Variants in LDB2 observed in about 807,000 individuals in gnomAD.
LDB2 encodes LIM domain-binding protein 2.
In LDB2, 12 loss-of-function variants were observed where a neutral mutation model predicts 44.3. The ratio of observed to expected loss-of-function variants is 0.27; its 90% CI spans 0.17 to 0.44. The LOEUF (loss-of-function observed/expected upper bound fraction) is 0.44, where lower values mean the gene tolerates loss of function less well. LDB2 is among the 20% of genes least tolerant of loss of function. The pLI is 1.00. For synonymous variants in LDB2, 164 were observed against 174.8 expected (o/e 0.94, Z 0.49); for missense variants, 344 against 473.5 (o/e 0.73, Z 2.54).
At chr4:16,680,500 C>T (rs1055550268) in intron 2 of LDB2, among the ~76,000 whole-genome samples, 1 of 152,178 alleles carries the variant, frequency 6.6e-6, no homozygotes, top group African/African-American at 2.4e-5. Context: ...TTATGGTATG[C>T]AGGGAACTGC....
intron 7 of LDB2, among the ~76,000 whole-genome samples, chr4:16,507,576 T>C (rs74846629): frequency 0.012 from 1,885 of 152,198 alleles, 38 homozygotes; most frequent in African/African-American, 0.043. Context: ...AAAATTGTAC[T>C]GGTTGAGGGA....
intron 2 of LDB2, among the ~76,000 whole-genome samples, chr4:16,723,017 G>A (rs1022168916): frequency 4.6e-5 from 7 of 152,128 alleles, no homozygotes; most frequent in Non-Finnish European, 4.4e-5. Flanking sequence ...GGCTTACAGT[G>A]TACTCAACTT....
rs533595565 is a variant in LDB2, at chr4:16,558,641, A to T, written c.615+27281T>A. ...ACCAAGTTGGAAAACACTGTGCAGG[A>T]TATTATCCAGGAGAACTTCCCCAAT... On this transcript the variant is annotated intron_variant, in intron 5 of 7. Coordinates refer to ENST00000304523, the MANE Select transcript of LDB2 (RefSeq NM_001290.5). Among the ~76,000 whole-genome samples, 6 of 152,364 alleles carry T rather than the reference A, an allele frequency of 3.9e-5. No homozygotes were observed. The East Asian group carries it at 1.2e-3, about 29-fold the overall frequency.
rs189743924 is a variant in LDB2, at chr4:16,515,714, A to C, written c.616-3610T>G. On this transcript the variant is annotated intron_variant, in intron 5 of 7. Transcript: ENST00000304523. ...GTTAAAAATCTTTTCAACATTTTCA[A>C]ATTATTTTCATTTGGTTCATTTACC... Among the ~76,000 whole-genome samples the C allele has an allele frequency of 3.9e-3, 601 of 152,316 alleles. 2 individuals carry two copies. The highest frequency in any genetic ancestry group is 7.6e-3 in the Non-Finnish European group (514 of 68,026).
chr4:16,637,728 A>G (rs1441758304), intron 2 of LDB2, among the ~76,000 whole-genome samples: 1 of 152,238 alleles, frequency 6.6e-6, no homozygotes, highest in Non-Finnish European at 1.5e-5. Flanking sequence ...TGGCAGGGAC[A>G]ACAGCAGGAG....
intron 5 of LDB2, among the ~76,000 whole-genome samples, chr4:16,565,751 TA>T (rs904414146): frequency 7.2e-5 from 11 of 151,922 alleles, no homozygotes; most frequent in African/African-American, 1.7e-4. Context: ...GAGGGTAAAC[TA>T]AAAAAATTAT....
At chr4:16,687,138 T>A (rs1453553745) in intron 2 of LDB2, among the ~76,000 whole-genome samples, 1 of 152,184 alleles carries the variant, frequency 6.6e-6, no homozygotes, top group African/African-American at 2.4e-5. Context: ...TTAACTTCAG[T>A]TCATTAATGT....
At chr4:16,681,764 G>C (rs756370338) in intron 2 of LDB2, among the ~76,000 whole-genome samples, 1 of 151,570 alleles carries the variant, frequency 6.6e-6, no homozygotes, top group Non-Finnish European at 1.5e-5. Context: ...GTAGAGACGG[G>C]GTTTCACCGT....
intron 1 of LDB2, among the ~76,000 whole-genome samples, chr4:16,760,532 C>T (rs115916861): frequency 0.017 from 2,598 of 152,244 alleles, 81 homozygotes; most frequent in African/African-American, 0.059. Flanking sequence ...AGGAAACCAC[C>T]GAAGAGCAAT....
intron 5 of LDB2, among the ~76,000 whole-genome samples, chr4:16,546,003 G>A (rs11935798): frequency 0.18 from 27,550 of 152,058 alleles, 3,147 homozygotes; most frequent in East Asian, 0.57. Context: ...TCTGCCAGTG[G>A]ATTTATAAAA....
At chr4:16,577,992 G>T (rs948763943) in intron 5 of LDB2, among the ~76,000 whole-genome samples, 1 of 152,088 alleles carries the variant, frequency 6.6e-6, no homozygotes, top group Admixed American at 6.6e-5. Context: ...ACATAGTACT[G>T]GGAAAACTGG....
chr4:16,839,250 A>T (rs768198177), intron 1 of LDB2, among the ~76,000 whole-genome samples: 3 of 152,222 alleles, frequency 2.0e-5, no homozygotes, highest in Non-Finnish European at 4.4e-5. Flanking sequence ...AAGATTGGAC[A>T]TCTGGCGAAA....
At chr4:16,779,882 C>A (rs1449662399) in intron 1 of LDB2, among the ~76,000 whole-genome samples, 33 of 152,102 alleles carry the variant, frequency 2.2e-4, no homozygotes, top group Non-Finnish European at 8.8e-5. Context: ...TTATTTTTGA[C>A]TTTTTTCATT....
At chr4:16,567,395 CATGCG>C in intron 5 of LDB2, among the ~76,000 whole-genome samples, 1 of 12,248 alleles carries the variant, frequency 8.2e-5, no homozygotes, top group Non-Finnish European at 4.6e-4. Flanking sequence ...CGCGTGTGTG[CATGCG>C]TGTGTGTGCA....
At chr4:16,810,210 C>T (rs1327393535) in intron 1 of LDB2, among the ~76,000 whole-genome samples, 1 of 152,108 alleles carries the variant, frequency 6.6e-6, no homozygotes, top group Admixed American at 6.6e-5. Context: ...TCACGGTGCA[C>T]AAGTCTGGCA....
chr4:16,750,325 C>T (rs1364481180), intron 2 of LDB2, among the ~76,000 whole-genome samples: 46 of 152,152 alleles, frequency 3.0e-4, no homozygotes, highest in Admixed American at 3.0e-3. Flanking sequence ...ACTGCAAGTT[C>T]CCTTGGGCAA....
chr4:16,847,029 T>C lies in LDB2; in HGVS notation c.132+51325A>G, dbSNP rs568042892. On this transcript the variant is annotated intron_variant, in intron 1 of 7. Transcript: ENST00000304523. Reference sequence around the variant, plus strand: ...TTAATTTCTCTCCTTTTTCAGTATGTGTCATTTCATTCTCTTTTCAATTTG... The same window carrying C: ...TTAATTTCTCTCCTTTTTCAGTATGCGTCATTTCATTCTCTTTTCAATTTG... Among the ~76,000 whole-genome samples, 6 of 152,324 alleles carry C rather than the reference T, an allele frequency of 3.9e-5. No individual in the cohort carries two copies. The South Asian group carries it at 1.2e-3, about 32-fold the overall frequency.
chr4:16,720,509 T>C (rs1455484388), intron 2 of LDB2, among the ~76,000 whole-genome samples: 6 of 152,168 alleles, frequency 3.9e-5, no homozygotes, highest in Non-Finnish European at 1.5e-5. Context: ...GTTTCTCTGG[T>C]TGAACCTTGA....
chr4:16,585,451 T>C (rs1716434528), intron 5 of LDB2, among the ~76,000 whole-genome samples: 1 of 152,182 alleles, frequency 6.6e-6, no homozygotes, highest in African/African-American at 2.4e-5. Flanking sequence ...TGTTACATGT[T>C]GTGCAGAGAG....
Sources: gnomAD v4.1 joint callset for allele counts (sites outside exome capture counted in the v4.1 genomes callset) on GRCh38, gnomAD v4.1.1 for gene constraint, MANE v1.5 for transcripts, NCBI Gene and HGNC (gene_info 2026-07-23, HGNC 2026-07-21) for gene names.